Variants in CDH4 observed in about 807,000 individuals in gnomAD.
CDH4 encodes the protein cadherin-4.
In CDH4, 33 loss-of-function variants were observed where a neutral mutation model predicts 86.0. That is an observed-to-expected ratio of 0.38 (90% confidence interval 0.29 to 0.51). The LOEUF is 0.51. CDH4 is among the 20% of genes least tolerant of loss of function. The pLI is 0.86. For missense variants in CDH4, 1,114 were observed against 1,307.4 expected, an observed-to-expected ratio of 0.85 and a Z score of 2.28; for synonymous variants, 555 against 549.4, an observed-to-expected ratio of 1.01 and a Z score of -0.14.
intron 4 of CDH4, among the ~76,000 whole-genome samples, chr20:61,781,385 AATAGATGG>A (rs539442486): frequency 1.0e-3 from 153 of 152,318 alleles, no homozygotes; most frequent in African/African-American, 3.3e-3. Flanking sequence ...CAAGGGTCAG[AATAGATGG>A]ATAGATGGAT....
intron 2 of CDH4, among the ~76,000 whole-genome samples, chr20:61,540,942 C>G (rs562885730): frequency 6.6e-6 from 1 of 152,108 alleles, no homozygotes; most frequent in Non-Finnish European, 1.5e-5. Context: ...ATAAGCTGTT[C>G]AAGCCCGTGC....
chr20:61,408,896 G>A (rs2085099171), intron 2 of CDH4, among the ~76,000 whole-genome samples: 2 of 152,172 alleles, frequency 1.3e-5, no homozygotes, highest in African/African-American at 2.4e-5. Flanking sequence ...ATGGCCACGG[G>A]GTCACGGGCC....
intron 2 of CDH4, among the ~76,000 whole-genome samples, chr20:61,446,724 A>C (rs1034385899): frequency 1.3e-5 from 2 of 152,184 alleles, no homozygotes; most frequent in Non-Finnish European, 2.9e-5. Flanking sequence ...GCCCGAAGAA[A>C]GCCCAGCCCG....
intron 4 of CDH4, among the ~76,000 whole-genome samples, chr20:61,821,220 G>A (rs1981012602): frequency 1.1e-5 from 1 of 88,690 alleles, no homozygotes; most frequent in Non-Finnish European, 2.1e-5. Context: ...TCCCCATGCA[G>A]CCCCCACCCC....
rs564516166 is a variant in CDH4 at position 61,832,553 on chromosome 20, G to C, written c.577-12115G>C. ...CCTCAAGAAACTGACAATCAGGGCAGAAGGCGAAGGGGAAGCAAGGACCTT... is the reference window on the plus strand; with the variant it reads ...CCTCAAGAAACTGACAATCAGGGCACAAGGCGAAGGGGAAGCAAGGACCTT... On this transcript the variant is annotated intron_variant, in intron 4 of 15. Transcript: ENST00000614565. 4.6e-5 allele frequency among the ~76,000 whole-genome samples: 7 copies of C among 152,310 alleles called. No homozygotes were observed. The East Asian group carries it at 1.4e-3, about 29-fold the overall frequency.
In CDH4 at chr20:61,584,418, C is replaced by T. The variant is rs140133664; in HGVS notation, c.170-159145C>T. 7.0e-3 allele frequency among the ~76,000 whole-genome samples: 1,073 copies of T among 152,248 alleles called. 14 individuals carry two copies. Among genetic ancestry groups the T allele is most frequent in the African/African-American group, 0.023 (956 of 41,518 alleles). ...CCTGCCCTTTCTGCTCATCCCAGACCGCATGCATTTCCTTCCTAGCTCTTC... is the reference window on the plus strand; with the variant it reads ...CCTGCCCTTTCTGCTCATCCCAGACTGCATGCATTTCCTTCCTAGCTCTTC... On this transcript the variant is annotated intron_variant, in intron 2 of 15. Transcript: ENST00000614565.
chr20:61,655,177 G>T (rs753038569), intron 2 of CDH4, among the ~76,000 whole-genome samples: 1 of 152,210 alleles, frequency 6.6e-6, no homozygotes, highest in Non-Finnish European at 1.5e-5. Context: ...GTATATGTCT[G>T]CTTGTGTGTA....
At chr20:61,294,112 C>T (rs1025115528) in intron 2 of CDH4, among the ~76,000 whole-genome samples, 2 of 152,196 alleles carry the variant, frequency 1.3e-5, no homozygotes, top group South Asian at 4.1e-4. Context: ...AGAGAACCCA[C>T]GTCCTCATGG....
chr20:61,271,790 G>C (rs558836747), intron 2 of CDH4, among the ~76,000 whole-genome samples: 16 of 152,218 alleles, frequency 1.1e-4, no homozygotes, highest in Non-Finnish European at 2.4e-4. Flanking sequence ...TCCTGGTTTT[G>C]CCTTTTTGCA....
Position 61,544,044 on chromosome 20 carries a change from G to A in CDH4, c.170-199519G>A, listed in dbSNP as rs1436398868. On this transcript the variant is annotated intron_variant, in intron 2 of 15. Coordinates refer to ENST00000614565, the MANE Select transcript of CDH4 (RefSeq NM_001794.5). This position sits in a 1 kb window ranked among gnomAD's most constrained non-coding sequence, Gnocchi z 6.5. ...TCCCTGGAGGCTGCCCCACACCCCC[G>A]GCCCCACACCTGGCTCTTGGCACTA... 6.6e-6 allele frequency among the ~76,000 whole-genome samples: 1 copy of A among 151,876 alleles called. No individual in the cohort carries two copies. Among genetic ancestry groups the A allele is most frequent in the Non-Finnish European group, 1.5e-5 (1 of 67,958 alleles).
chr20:61,644,621 G>T (rs898371003), intron 2 of CDH4, among the ~76,000 whole-genome samples: 1 of 152,160 alleles, frequency 6.6e-6, no homozygotes, highest in Non-Finnish European at 1.5e-5. Context: ...CAGGAGGGGC[G>T]GTCTCCCCAG....
At chr20:61,278,873 C>G (rs2084243752) in intron 2 of CDH4, among the ~76,000 whole-genome samples, 1 of 152,232 alleles carries the variant, frequency 6.6e-6, no homozygotes, top group Admixed American at 6.5e-5. Flanking sequence ...ATTTGAGGGA[C>G]TTCTCTTCAT....
At chr20:61,282,897 G>A (rs6093083) in intron 2 of CDH4, among the ~76,000 whole-genome samples, 21,695 of 62,292 alleles carry the variant, frequency 0.35, 1,556 homozygotes, top group East Asian at 0.44. Context: ...ATTTGCACGC[G>A]TGTGCTGTGG....
chr20:61,530,745 G>A (rs2085945577), intron 2 of CDH4, among the ~76,000 whole-genome samples: 1 of 152,096 alleles, frequency 6.6e-6, no homozygotes, highest in African/African-American at 2.4e-5. Flanking sequence ...AGGAGTGAGG[G>A]CTGGGGAGCA....
chr20:61,606,405 G>T (rs1333082370), intron 2 of CDH4, among the ~76,000 whole-genome samples: 3 of 152,216 alleles, frequency 2.0e-5, no homozygotes, highest in Admixed American at 6.5e-5. Flanking sequence ...CACACAGCAG[G>T]TCAAGTGGGG....
chr20:61,577,206 GTT>G (rs1257947039), intron 2 of CDH4, among the ~76,000 whole-genome samples: 3 of 151,600 alleles, frequency 2.0e-5, no homozygotes, highest in East Asian at 1.9e-4. Context: ...TTGAGTATAT[GTT>G]TGTGTGTTGA....
At chr20:61,729,842 A>C (rs2088157713) in intron 2 of CDH4, among the ~76,000 whole-genome samples, 1 of 152,200 alleles carries the variant, frequency 6.6e-6, no homozygotes, top group Non-Finnish European at 1.5e-5. Context: ...AGGGAGACGC[A>C]AGTTTAATAT....
intron 4 of CDH4, among the ~76,000 whole-genome samples, chr20:61,838,833 A>AG (rs1289023558): frequency 7.5e-6 from 1 of 133,692 alleles, no homozygotes. Context: ...AAAAAAAAAA[A>AG]AAAAAGAAAG....
intron 2 of CDH4, among the ~76,000 whole-genome samples, chr20:61,365,870 A>C (rs149239482): frequency 3.3e-5 from 5 of 152,310 alleles, no homozygotes; most frequent in African/African-American, 1.2e-4. Flanking sequence ...ATCCAAGGCA[A>C]ACTCCACACA....
Sources: allele counts gnomAD v4.1 joint callset (sites outside exome capture counted in the v4.1 genomes callset), GRCh38; gene constraint gnomAD v4.1.1; non-coding constraint Gnocchi (gnomAD v3.1); transcripts MANE v1.5; gene names NCBI Gene and HGNC (gene_info 2026-07-23, HGNC 2026-07-21).